EIF4G3: variants seen among roughly 807,000 people sequenced by gnomAD.
The protein encoded by EIF4G3 is eukaryotic translation initiation factor 4 gamma 3, also known as eIF-4-gamma 3.
A neutral mutation model predicts 186.4 loss-of-function variants in EIF4G3; 34 were observed. The ratio of observed to expected loss-of-function variants is 0.18; its 90% CI spans 0.14 to 0.24. The LOEUF (loss-of-function observed/expected upper bound fraction) is 0.24, where lower values mean the gene tolerates loss of function less well. EIF4G3 is among the 10% of genes least tolerant of loss of function. The pLI, the probability that EIF4G3 is intolerant of heterozygous loss-of-function variation, is 1.00. For synonymous variants in EIF4G3, 673 were observed against 679.5 expected (o/e 0.99, Z 0.15); for missense variants, 1,536 against 1,948.5 (o/e 0.79, Z 3.99).
At chr1:21,167,663 C>G (rs904888599) in intron 2 of EIF4G3, among the ~76,000 whole-genome samples, 2 of 152,092 alleles carry the variant, frequency 1.3e-5, no homozygotes, top group African/African-American at 2.4e-5. Flanking sequence ...GAGGCTGAGG[C>G]AGGGGAACCG....
intron 7 of EIF4G3, among the ~76,000 whole-genome samples, chr1:20,994,927 C>T (rs902851721): frequency 3.3e-5 from 5 of 152,178 alleles, no homozygotes; most frequent in African/African-American, 1.2e-4. Context: ...GCATCAAACA[C>T]CGCATCCAGC....
At chr1:20,997,369 A>G (rs1448348726) in intron 7 of EIF4G3, among the ~76,000 whole-genome samples, 1 of 152,172 alleles carries the variant, frequency 6.6e-6, no homozygotes, top group Admixed American at 6.5e-5. Context: ...AAGAAAAAAA[A>G]AACTGTAGCA....
At chr1:21,127,411 A>T (rs756919165) in intron 2 of EIF4G3, among the ~76,000 whole-genome samples, 3 of 152,216 alleles carry the variant, frequency 2.0e-5, no homozygotes, top group Non-Finnish European at 4.4e-5. Context: ...CACAGCACTT[A>T]TCACCATCTG....
intron 4 of EIF4G3, among the ~76,000 whole-genome samples, chr1:21,038,187 T>C (rs1463443413): frequency 6.6e-6 from 1 of 152,206 alleles, no homozygotes; most frequent in Non-Finnish European, 1.5e-5. Flanking sequence ...ACAGGCTACT[T>C]GTGTTCTCTC....
At chr1:20,964,759 C>A (rs1432726995) in intron 12 of EIF4G3, among the ~76,000 whole-genome samples, 1 of 152,220 alleles carries the variant, frequency 6.6e-6, no homozygotes, top group Non-Finnish European at 1.5e-5. Context: ...TGTTCCTCAT[C>A]TCACTGACCC....
At chr1:21,116,159 G>C (rs935921065) in intron 2 of EIF4G3, among the ~76,000 whole-genome samples, 3 of 152,122 alleles carry the variant, frequency 2.0e-5, no homozygotes, top group Non-Finnish European at 4.4e-5. Context: ...CTGAATTAAT[G>C]ACAGAATAAC....
chr1:21,076,779 C>G lies in EIF4G3; in HGVS notation c.-196+12359G>C, dbSNP rs573044965. ...CTAGATCCCTATCTCTAACCATATA[C>G]CAAAATCAAACCAAAATGGACTAAA... On this transcript the variant is annotated intron_variant, in intron 3 of 36. Transcript: ENST00000602326. 2.8e-3 allele frequency among the ~76,000 whole-genome samples: 429 copies of G among 152,120 alleles called. 1 individual carries two copies. The highest frequency in any genetic ancestry group is 4.5e-3 in the Non-Finnish European group (309 of 68,006).
chr1:21,054,696 C>T (rs1014400010), intron 3 of EIF4G3, among the ~76,000 whole-genome samples: 1 of 152,050 alleles, frequency 6.6e-6, no homozygotes, highest in Non-Finnish European at 1.5e-5. Context: ...AGGAAAATGG[C>T]CTGGAATTCA....
intron 7 of EIF4G3, among the ~76,000 whole-genome samples, chr1:20,994,000 G>C (rs1345998868): frequency 6.6e-6 from 1 of 152,232 alleles, no homozygotes; most frequent in African/African-American, 2.4e-5. Context: ...GTGAAATACA[G>C]ATTCAGTAAG....
At chr1:21,017,125 T>C (rs1298892486) in intron 4 of EIF4G3, among the ~76,000 whole-genome samples, 1 of 152,168 alleles carries the variant, frequency 6.6e-6, no homozygotes, top group East Asian at 1.9e-4. Context: ...AAAAATATTA[T>C]TCATCCTTTA....
At chr1:21,058,521 T>C (rs2094686260) in intron 3 of EIF4G3, among the ~76,000 whole-genome samples, 1 of 151,726 alleles carries the variant, frequency 6.6e-6, no homozygotes, top group Non-Finnish European at 1.5e-5. Context: ...AAATATAAAC[T>C]TGCTTTTTCA....
intron 2 of EIF4G3, among the ~76,000 whole-genome samples, chr1:21,104,603 T>C (rs1380544844): frequency 6.6e-6 from 1 of 152,200 alleles, no homozygotes; most frequent in Non-Finnish European, 1.5e-5. Flanking sequence ...GCAAAGGGAA[T>C]GCTTATATAC....
chr1:21,116,707 C>T (rs776267559), intron 2 of EIF4G3, among the ~76,000 whole-genome samples: 21 of 151,572 alleles, frequency 1.4e-4, no homozygotes, highest in Non-Finnish European at 2.5e-4. Context: ...GGCGTGGTGG[C>T]GTGCACCTGT....
chr1:21,062,029 G>A (rs1051958854), intron 3 of EIF4G3, among the ~76,000 whole-genome samples: 1 of 151,818 alleles, frequency 6.6e-6, no homozygotes, highest in Non-Finnish European at 1.5e-5. Flanking sequence ...TTACAGGCGT[G>A]AGCCACCGCA....
At chr1:20,809,976 A>ATT (rs35971778) in intron 36 of EIF4G3, among the ~76,000 whole-genome samples, 6 of 144,892 alleles carry the variant, frequency 4.1e-5, no homozygotes, top group African/African-American at 7.6e-5. Context: ...TAACAAATTC[A>ATT]TTTTTTTTTT....
chr1:20,836,621 A>G (rs1571349816), intron 30 of EIF4G3, among the ~76,000 whole-genome samples: 1 of 152,200 alleles, frequency 6.6e-6, no homozygotes, highest in African/African-American at 2.4e-5. Flanking sequence ...CAAGGAAGAG[A>G]TAAGAATTTC....
At chr1:20,961,521 T>C (rs2096569765) in intron 12 of EIF4G3, among the ~76,000 whole-genome samples, 1 of 152,244 alleles carries the variant, frequency 6.6e-6, no homozygotes, top group Non-Finnish European at 1.5e-5. Flanking sequence ...TGAATTCTTC[T>C]CTGCTAGCTA....
At chr1:20,948,867 G>C (rs1469734778) in intron 13 of EIF4G3, among the ~76,000 whole-genome samples, 1 of 150,926 alleles carries the variant, frequency 6.6e-6, no homozygotes, top group East Asian at 1.9e-4. Context: ...AAATTAGCTG[G>C]GCATGGTGGT....
At position 20,913,731 on chromosome 1, in the gene EIF4G3, T is replaced by G. The variant is rs142418565; in HGVS notation, c.1664-8760A>C. 5.1e-3 allele frequency among the ~76,000 whole-genome samples: 777 copies of G among 152,106 alleles called. 7 individuals carry two copies. The highest frequency in any genetic ancestry group is 0.018 in the African/African-American group (746 of 41,508). On this transcript the variant is annotated intron_variant, in intron 14 of 36. Coordinates refer to ENST00000602326, the MANE Select transcript of EIF4G3 (RefSeq NM_001391906.1). Reference sequence around the variant, plus strand: ...TTTCCTATCTGTATTATTTCCTTTCTTCTACTTTTTCTGTGTTTGTTCTTC... The same window carrying G: ...TTTCCTATCTGTATTATTTCCTTTCGTCTACTTTTTCTGTGTTTGTTCTTC...
Sources: gnomAD v4.1 joint callset for allele counts (sites outside exome capture counted in the v4.1 genomes callset) on GRCh38, gnomAD v4.1.1 for gene constraint, MANE v1.5 for transcripts, NCBI Gene and HGNC (gene_info 2026-07-23, HGNC 2026-07-21) for gene names.